The following SMG7 variants were observed in gnomAD, a reference collection of about 807,000 sequenced individuals.
The protein encoded by SMG7 is nonsense-mediated mRNA decay factor SMG7.
Under a neutral mutation model 148.2 loss-of-function variants are expected in SMG7, and 34 were observed. The observed-to-expected ratio is 0.23, with a 90% CI of 0.17 to 0.31. The LOEUF (loss-of-function observed/expected upper bound fraction) is 0.31. Ranked by LOEUF, SMG7 falls within the 10% of genes least tolerant of loss-of-function variation. The pLI, the probability that SMG7 is intolerant of heterozygous loss-of-function variation, is 1.00. For synonymous variants in SMG7, 492 were observed against 515.1 expected (o/e 0.96, Z 0.61); for missense variants, 1,114 against 1,408.4 (o/e 0.79, Z 3.35).
chr1:183,507,648 C>T (rs756221878), intron 1 of SMG7, among the ~76,000 whole-genome samples: 17 of 152,178 alleles, frequency 1.1e-4, no homozygotes, highest in Non-Finnish European at 2.4e-4. Flanking sequence ...ATAGTGTTAG[C>T]TGTACCTATA....
chr1:183,533,628 GCA>G, intron 9 of SMG7, 46 bp from the exon 10 acceptor site: 1 of 1,511,050 alleles, frequency 6.6e-7, no homozygotes, highest in Non-Finnish European at 9.1e-7. Flanking sequence ...ATTTGAACTG[GCA>G]CAGTTTCATA....
rs1659917080 is a variant in SMG7, at chr1:183,502,296, G to A, written c.30-10541G>A. 3 of 1,534,178 alleles carry A rather than the reference G, an allele frequency of 2.0e-6. No homozygotes were observed. In the East Asian group the frequency reaches 7.4e-5, roughly 38 times the overall value. On this transcript the variant is annotated intron_variant, in intron 1 of 22. Transcript: ENST00000688051. ...ACCTTATGAGAAATTGGATGTTCTT[G>A]CAGATAGTCATTGTGGGAGAAAACG...
rs1313687530 is a variant in SMG7, at chr1:183,542,302, A to G, written c.1642A>G (p.Lys548Glu). 1 of 1,614,170 alleles carries G rather than the reference A, an allele frequency of 6.2e-7. No homozygotes were observed. The highest frequency in any genetic ancestry group is 8.5e-7 in the Non-Finnish European group (1 of 1,180,010). The change falls in exon 14 of 23, where the codon AAA becomes GAA. Residue 548 changes from lysine to glutamate, a missense_variant. Coordinates refer to ENST00000688051, the MANE Select transcript of SMG7 (RefSeq NM_001375584.1). ...AGGAGAGAAGCCAGTGGTTACCTTC[A>G]AAGAAAACATTAAGACACGAGAAGT... ...DTGEKPVVTF[K>E]ENIKTREVNR...
At chr1:183,528,119 T>C (rs1006131490) in intron 6 of SMG7, 92 bp downstream of exon 6, 16 of 847,058 alleles carry the variant, frequency 1.9e-5, no homozygotes, top group Non-Finnish European at 2.5e-5. Flanking sequence ...TGAAGTTTTA[T>C]GAAAGCAATA....
chr1:183,538,837 C>T (rs1035245934), intron 12 of SMG7, among the ~76,000 whole-genome samples: 7 of 152,016 alleles, frequency 4.6e-5, no homozygotes, highest in Non-Finnish European at 7.4e-5. Flanking sequence ...AATTTACATC[C>T]CTCTATTTTC....
intron 2 of SMG7, among the ~76,000 whole-genome samples, chr1:183,515,605 CTTTTTTTTT>C (rs35057958): frequency 8.1e-6 from 1 of 123,224 alleles, no homozygotes; most frequent in African/African-American, 2.9e-5. Context: ...GCAAACCATT[CTTTTTTTTT>C]TTTTTTTTTA....
intron 14 of SMG7, among the ~76,000 whole-genome samples, chr1:183,543,057 C>A (rs1184130591): frequency 1.3e-5 from 2 of 150,890 alleles, no homozygotes; most frequent in Admixed American, 6.6e-5. Flanking sequence ...TTAATCTTAT[C>A]CTGGATCCTG....
intron 1 of SMG7, among the ~76,000 whole-genome samples, chr1:183,491,558 CAT>C (rs1373246991): frequency 6.6e-6 from 1 of 151,718 alleles, no homozygotes; most frequent in Non-Finnish European, 1.5e-5. Flanking sequence ...TGGCTATATA[CAT>C]ATATATATAT....
intron 12 of SMG7, 151 bp from the exon 13 acceptor site, chr1:183,540,833 A>G: frequency 1.9e-6 from 1 of 516,084 alleles, no homozygotes; most frequent in South Asian, 3.0e-5. Flanking sequence ...CTCTGGTAGT[A>G]TAAATTCTAA....
intron 11 of SMG7, among the ~76,000 whole-genome samples, chr1:183,537,504 T>G (rs142776459): frequency 6.6e-6 from 1 of 152,296 alleles, no homozygotes; most frequent in East Asian, 1.9e-4. Flanking sequence ...AAAAAAGCAA[T>G]TAACATGAAC....
chr1:183,507,597 A>G (rs1462651179), intron 1 of SMG7, among the ~76,000 whole-genome samples: 1 of 152,210 alleles, frequency 6.6e-6, no homozygotes, highest in Non-Finnish European at 1.5e-5. Flanking sequence ...TAAATAATTT[A>G]TGTAAAGCTC....
intron 1 of SMG7, among the ~76,000 whole-genome samples, chr1:183,487,533 A>G (rs561858036): frequency 5.9e-5 from 9 of 152,332 alleles, no homozygotes; most frequent in South Asian, 2.1e-4. Context: ...CACAATAGCT[A>G]TACAGCCTGG....
At chr1:183,497,255 C>G (rs1206712893) in intron 1 of SMG7, among the ~76,000 whole-genome samples, 1 of 152,226 alleles carries the variant, frequency 6.6e-6, no homozygotes, top group Non-Finnish European at 1.5e-5. Flanking sequence ...AATGTCTGGG[C>G]CCTCAACTGG....
intron 1 of SMG7, chr1:183,502,160 G>T (rs789193): frequency 0.89 from 719,747 of 805,448 alleles, 322,284 homozygotes; most frequent in East Asian, 1. Flanking sequence ...CCTTTCACAT[G>T]AAGTCATTTC....
At chr1:183,533,884 T>A (rs1308170233) in intron 10 of SMG7, 52 bp downstream of exon 10, 1 of 1,478,358 alleles carries the variant, frequency 6.8e-7, no homozygotes, top group Non-Finnish European at 9.3e-7. Context: ...TTGTTTGATA[T>A]CCATAAATAT....
In SMG7 at chr1:183,515,950, C is replaced by T. The variant is rs769005958; in HGVS notation, c.138C>T (p.Thr46=). 5.6e-6 allele frequency: 9 copies of T among 1,612,642 alleles called. No individual in the cohort carries two copies. Among genetic ancestry groups the T allele is most frequent in the Admixed American group, 3.3e-5 (2 of 59,920 alleles). The part of the protein sequence containing the change: ...LQDLYQKMLV[T]DLEYALDKKV... Reference sequence around the variant, plus strand: ...ACCTGTACCAGAAAATGCTAGTTACCGATTTGGAATACGCTTTAGACAAGA... The same window carrying T: ...ACCTGTACCAGAAAATGCTAGTTACTGATTTGGAATACGCTTTAGACAAGA... The change falls in exon 3 of 23, where the codon ACC becomes ACT. Residue 46 remains threonine (T), a synonymous_variant. Coordinates refer to ENST00000688051, the MANE Select transcript of SMG7 (RefSeq NM_001375584.1).
In SMG7 at chr1:183,541,022, G is replaced by A. The variant is rs201829877; in HGVS notation, c.1334G>A (p.Gly445Glu). The A allele has an allele frequency of 3.4e-4, 541 of 1,613,554 alleles. 1 individual carries two copies. The highest frequency in any genetic ancestry group is 9.9e-5 in the Non-Finnish European group (117 of 1,179,514). ...DFSKGHQGIT[G>E]DKEGQQRRIR... ...TCCAAAGGTCACCAGGGTATTACAGGGGACAAAGAAGGCCAGCAACGACGA... is the reference window on the plus strand; with the variant it reads ...TCCAAAGGTCACCAGGGTATTACAGAGGACAAAGAAGGCCAGCAACGACGA... The change falls in exon 13 of 23, where the codon GGG becomes GAG. Residue 445 changes from glycine (G) to glutamate (E), a missense_variant. Gly to Glu is a moderately conservative substitution (Grantham distance 98, BLOSUM62 -2). Transcript: ENST00000688051.
At chr1:183,516,021 C>T (rs756423612) in intron 3 of SMG7, 30 bp downstream of exon 3, 8 of 1,312,162 alleles carry the variant, frequency 6.1e-6, no homozygotes, top group East Asian at 2.4e-5. Context: ...TGAGAAGTCC[C>T]TGTAAGATCA....
In SMG7 at chr1:183,541,059, A is replaced by G. The variant is rs754590786; in HGVS notation, c.1371A>G (p.Gln457=). The G allele has an allele frequency of 1.2e-6, 2 of 1,613,704 alleles. No individual in the cohort carries two copies. The highest frequency in any genetic ancestry group is 8.5e-7 in the Non-Finnish European group (1 of 1,179,600). Residue 457 remains glutamine, a synonymous_variant, in exon 13 of 23, where the codon CAA becomes CAG. Coordinates refer to ENST00000688051, the MANE Select transcript of SMG7 (RefSeq NM_001375584.1). The part of the protein sequence containing the change: ...KEGQQRRIRQ[Q]RLISIGKWIA... The stretch of plus-strand genomic sequence containing the variant: ...GCCAGCAACGACGAATACGACAGCA[A>G]CGCTTGATCTCTATAGGCAAATGGA...
Sources: gnomAD v4.1 joint callset for allele counts (sites outside exome capture counted in the v4.1 genomes callset) on GRCh38, gnomAD v4.1.1 for gene constraint, MANE v1.5 for transcripts, NCBI Gene and HGNC (gene_info 2026-07-23, HGNC 2026-07-21) for gene names.